PTH1R: variants seen among roughly 807,000 people sequenced by gnomAD.
The protein encoded by PTH1R is parathyroid hormone/parathyroid hormone-related peptide receptor.
PTH1R carries 32 observed loss-of-function variants against 70.7 expected under a neutral mutation model. That is an observed-to-expected ratio of 0.45 (90% CI 0.34 to 0.61). The LOEUF is 0.61. Among genes scored for constraint, PTH1R ranks in the 20% least tolerant of loss-of-function variants. The pLI, the probability that PTH1R is intolerant of heterozygous loss-of-function variation, is 0.01. For missense variants in PTH1R, 626 were observed against 792.5 expected (o/e 0.79, Z 2.52); for synonymous variants, 329 against 324.8 (o/e 1.01, Z -0.14).
Position 46,897,887 on chromosome 3 carries a change from C to T in PTH1R, c.346C>T (p.Leu116=). The T allele has an allele frequency of 6.2e-7, 1 of 1,613,774 alleles. No individual in the cohort carries two copies. Among genetic ancestry groups the T allele is most frequent in the East Asian group, 2.2e-5 (1 of 44,876 alleles). ...RPCLPEWDHI[L]CWPLGAPGEV... is the part of the protein sequence containing the mutation. Reference sequence around the variant, plus strand: ...CTGTCTGCCGGAATGGGACCACATCCTGTGCTGGCCGCTGGGGGCACCAGG... The same window carrying T: ...CTGTCTGCCGGAATGGGACCACATCTTGTGCTGGCCGCTGGGGGCACCAGG... The change falls in exon 6 of 16, where the codon CTG becomes TTG. Residue 116 remains leucine, a synonymous_variant. Transcript: ENST00000449590.
In PTH1R at chr3:46,891,476, C is replaced by G. The variant is rs761142553; in HGVS notation, c.76-2431C>G. 6.6e-5 allele frequency among the ~76,000 whole-genome samples: 10 copies of G among 152,204 alleles called. No homozygotes were observed. The highest frequency in any genetic ancestry group is 1.2e-4 in the Non-Finnish European group (8 of 68,046). On this transcript the variant is annotated intron_variant, in intron 3 of 15. Transcript: ENST00000449590. This position sits in a 1 kb window ranked among gnomAD's most constrained non-coding sequence, Gnocchi z 4.3. ...TCTGTTGGGAGGCCCAGGGAGTCAGCAAGTCTCTAAGGATGTGTGGGAGCC... is the reference window on the plus strand; with the variant it reads ...TCTGTTGGGAGGCCCAGGGAGTCAGGAAGTCTCTAAGGATGTGTGGGAGCC...
At chr3:46,885,151 A>G (rs1004931994) in intron 3 of PTH1R, among the ~76,000 whole-genome samples, 17 of 151,984 alleles carry the variant, frequency 1.1e-4, no homozygotes, top group African/African-American at 3.4e-4. Context: ...GAGTAAGTCT[A>G]TGTGTCAGAG....
intron 3 of PTH1R, among the ~76,000 whole-genome samples, chr3:46,885,374 T>C (rs2030950685): frequency 6.6e-6 from 1 of 152,224 alleles, no homozygotes. Context: ...GGCTTTCTAC[T>C]TGCCATTGTT....
intron 3 of PTH1R, among the ~76,000 whole-genome samples, chr3:46,886,291 G>A (rs557288839): frequency 6.6e-6 from 1 of 152,310 alleles, no homozygotes; most frequent in South Asian, 2.1e-4. Context: ...ACTGTGGTGT[G>A]GACTCACAGG....
Position 46,883,218 on chromosome 3 carries a change from G to C in PTH1R, c.-48-294G>C, listed in dbSNP as rs1236205348. 1 of 208,632 alleles carries C rather than the reference G, an allele frequency of 4.8e-6. No homozygotes were observed. The highest frequency in any genetic ancestry group is 2.3e-5 in the African/African-American group (1 of 42,986). The allele number at this position is 208,632 out of a possible 1,614,324, so 12.9% of individuals were successfully genotyped here. On this transcript the variant is annotated intron_variant, in intron 2 of 15. Coordinates refer to ENST00000449590, the MANE Select transcript of PTH1R (RefSeq NM_000316.3). This position sits in a 1 kb window ranked among gnomAD's most constrained non-coding sequence, Gnocchi z 6.4. ...GGGGGGCGGGGGGCGGGCCGGGGGC[G>C]GGGGGCCCGGCCATATGGATGTGAT...
In PTH1R at chr3:46,879,701, C is replaced by T. The variant is rs1473698245; in HGVS notation, c.-105-1361C>T. 6.6e-6 allele frequency among the ~76,000 whole-genome samples: 1 copy of T among 152,066 alleles called. No individual in the cohort carries two copies. Among genetic ancestry groups the T allele is most frequent in the East Asian group, 1.9e-4 (1 of 5,188 alleles). On this transcript the variant is annotated intron_variant, in intron 1 of 15. Coordinates refer to ENST00000449590, the MANE Select transcript of PTH1R (RefSeq NM_000316.3). This position sits in a 1 kb window ranked among gnomAD's most constrained non-coding sequence, Gnocchi z 4.7. Reference sequence around the variant, plus strand: ...GGTCAAGGCTGCTGTGAGCCATGACCGTGCCACTGCACTCCAGCCTGGGTG... The same window carrying T: ...GGTCAAGGCTGCTGTGAGCCATGACTGTGCCACTGCACTCCAGCCTGGGTG...
chr3:46,902,012 C>G lies in PTH1R; in HGVS notation c.1211+152C>G. The G allele has an allele frequency of 1.1e-6, 1 of 951,034 alleles. No individual in the cohort carries two copies. 58.9% of individuals were successfully genotyped at this position (951,034 alleles called of 1,614,324 possible). ...TCCCTGGCTGTCCTCACCCACCTGG[C>G]CTGCCCAGCAGTGATGGGAGGCCCT... On this transcript the variant is annotated intron_variant, in intron 13 of 15. Transcript: ENST00000449590. The surrounding 1 kb of genome is among the most constrained non-coding windows in gnomAD (Gnocchi z 5.4).
rs934206321 is a variant in PTH1R, at chr3:46,883,382, C to T, written c.-48-130C>T. On this transcript the variant is annotated intron_variant, in intron 2 of 15. Coordinates refer to ENST00000449590, the MANE Select transcript of PTH1R (RefSeq NM_000316.3). The surrounding 1 kb of genome is among the most constrained non-coding windows in gnomAD (Gnocchi z 6.4). ...CGCTGCTCGCTCGCTCGCTCGCTCGCTCGCCCTCAGCGCATGGGCCCCGCG... is the reference window on the plus strand; with the variant it reads ...CGCTGCTCGCTCGCTCGCTCGCTCGTTCGCCCTCAGCGCATGGGCCCCGCG... 3 of 282,266 alleles carry T rather than the reference C, an allele frequency of 1.1e-5. No individual in the cohort carries two copies. The highest frequency in any genetic ancestry group is 2.3e-5 in the African/African-American group (1 of 44,344). 17.5% of individuals were successfully genotyped at this position (282,266 alleles called of 1,614,324 possible).
At chr3:46,898,261 CCAGCCCTG>C in intron 7 of PTH1R, 69 bp downstream of exon 7, 1 of 1,582,790 alleles carries the variant, frequency 6.3e-7, no homozygotes, top group Non-Finnish European at 8.7e-7. Context: ...GACCCCTGAC[CCAGCCCTG>C]ACCCCTGACC....
rs148014549 is a variant in PTH1R, at chr3:46,895,364, C to T, written c.179-371C>T. Among the ~76,000 whole-genome samples, 96 of 152,298 alleles carry T rather than the reference C, an allele frequency of 6.3e-4. 2 individuals are homozygous for T. The East Asian group carries it at 0.018, about 28-fold the overall frequency. ...CATCACCCACTCTGTCTGCTTTCAC[C>T]GTGCGCCCCCTGGTGGGGCCTTCAC... is the stretch of plus-strand genomic sequence containing the variant. On this transcript the variant is annotated intron_variant, in intron 4 of 15. Coordinates refer to ENST00000449590, the MANE Select transcript of PTH1R (RefSeq NM_000316.3).
chr3:46,901,105 G>A lies in PTH1R; in HGVS notation c.1049+20G>A, dbSNP rs1209764720. ...CACCGGGTAGGTCCAGGTGGAGAAGGGGCCCAGGCAAGAAGCACCCCTGGG... is the reference window on the plus strand; with the variant it reads ...CACCGGGTAGGTCCAGGTGGAGAAGAGGCCCAGGCAAGAAGCACCCCTGGG... On this transcript the variant is annotated intron_variant, in intron 11 of 15. Transcript: ENST00000449590. The surrounding 1 kb of genome is among the most constrained non-coding windows in gnomAD (Gnocchi z 7.3). 1 of 1,567,232 alleles carries A rather than the reference G, an allele frequency of 6.4e-7. No homozygotes were observed. The highest frequency in any genetic ancestry group is 8.7e-7 in the Non-Finnish European group (1 of 1,154,554).
At position 46,898,070 on chromosome 3, in the gene PTH1R, G is replaced by A; in HGVS notation, c.425-4G>A. 6.2e-7 allele frequency: 1 copy of A among 1,614,162 alleles called. No homozygotes were observed. The highest frequency in any genetic ancestry group is 8.5e-7 in the Non-Finnish European group (1 of 1,180,010). On this transcript the variant is annotated splice_region_variant and splice_polypyrimidine_tract_variant and intron_variant, in intron 6 of 15. Coordinates refer to ENST00000449590, the MANE Select transcript of PTH1R (RefSeq NM_000316.3). ...GCCGGCCCTGACCTCCCATGGACCT[G>A]CAGGCCATGCCTACCGACGCTGTGA...
In PTH1R at chr3:46,898,191, G is replaced by C. The variant is rs374782548; in HGVS notation, c.542G>C (p.Arg181Pro). The C allele has an allele frequency of 6.2e-7, 1 of 1,613,990 alleles. No individual in the cohort carries two copies. Among genetic ancestry groups the C allele is most frequent in the Admixed American group, 1.7e-5 (1 of 60,020 alleles). The stretch of plus-strand genomic sequence containing the variant: ...TTTCTCACCAATGAGACTCGTGAAC[G>C]GGTGCGAGCCTTTCTCCTCCCCAAC... ...VKFLTNETRE[R>P]EVFDRLGMIY... Residue 181 changes from arginine to proline, a missense_variant and splice_region_variant, in exon 7 of 16, where the codon CGG (arginine) becomes CCG (proline). Physicochemically the swap from Arg to Pro is moderately radical, Grantham distance 103 (BLOSUM62 -2). This residue lies in a region of PTH1R where 495 missense variants were observed against 638.7 expected (regional missense o/e 0.77). Transcript: ENST00000449590.
At position 46,895,753 on chromosome 3, in the gene PTH1R, A is replaced by G; in HGVS notation, c.197A>G (p.Asp66Gly). Residue 66 changes from aspartate to glycine, a missense_variant, in exon 5 of 16, where the codon GAC becomes GGC. Coordinates refer to ENST00000449590, the MANE Select transcript of PTH1R (RefSeq NM_000316.3). ...LQRPASIMES[D>G]KGWTSASTSG... Reference sequence around the variant, plus strand: ...TCTCCAGCCAGCATAATGGAATCAGACAAGGGATGGACATCTGCGTCCACA... The same window carrying G: ...TCTCCAGCCAGCATAATGGAATCAGGCAAGGGATGGACATCTGCGTCCACA... 5 of 1,614,156 alleles carry G rather than the reference A, an allele frequency of 3.1e-6. No individual in the cohort carries two copies. The highest frequency in any genetic ancestry group is 4.2e-6 in the Non-Finnish European group (5 of 1,180,018).
rs904605059 is a variant in PTH1R, at chr3:46,896,891, C to T, written c.314-964C>T. ...GGAATCGATCTCCCCCAGCAGTGGCCGTGGGAGTCTCACAGCAGGTACTCA... is the reference window on the plus strand; with the variant it reads ...GGAATCGATCTCCCCCAGCAGTGGCTGTGGGAGTCTCACAGCAGGTACTCA... On this transcript the variant is annotated intron_variant, in intron 5 of 15. Transcript: ENST00000449590. The surrounding 1 kb of genome is among the most constrained non-coding windows in gnomAD (Gnocchi z 4.1). 6.6e-6 allele frequency among the ~76,000 whole-genome samples: 1 copy of T among 152,176 alleles called. No individual in the cohort carries two copies. Among genetic ancestry groups the T allele is most frequent in the Non-Finnish European group, 1.5e-5 (1 of 68,028 alleles).
At chr3:46,899,268 C>T (rs776293238) in intron 9 of PTH1R, 35 bp from the exon 10 acceptor site, 2 of 1,613,338 alleles carry the variant, frequency 1.2e-6, no homozygotes, top group African/African-American at 2.7e-5. Flanking sequence ...CGGAGGCAGG[C>T]CCTGCCCTCT....
At chr3:46,895,058 T>G (rs1194384744) in intron 4 of PTH1R, among the ~76,000 whole-genome samples, 3 of 129,698 alleles carry the variant, frequency 2.3e-5, no homozygotes, top group Admixed American at 8.2e-5. Context: ...AGGGAGACCT[T>G]GTCTCAAAAA....
chr3:46,892,400 C>T lies in PTH1R; in HGVS notation c.76-1507C>T, dbSNP rs200958165. Reference sequence around the variant, plus strand: ...GTCCCATACTGACAGGCTGGACAGTCTCCATGTGAGAACGCGCACGGACGG... The same window carrying T: ...GTCCCATACTGACAGGCTGGACAGTTTCCATGTGAGAACGCGCACGGACGG... On this transcript the variant is annotated intron_variant, in intron 3 of 15. Transcript: ENST00000449590. This position sits in a 1 kb window ranked among gnomAD's most constrained non-coding sequence, Gnocchi z 5.2. 3.9e-5 allele frequency among the ~76,000 whole-genome samples: 6 copies of T among 152,374 alleles called. No homozygotes were observed. Among genetic ancestry groups the T allele is most frequent in the Non-Finnish European group, 7.3e-5 (5 of 68,036 alleles).
At position 46,893,306 on chromosome 3, in the gene PTH1R, G is replaced by A. The variant is rs909824055; in HGVS notation, c.76-601G>A. Among the ~76,000 whole-genome samples, 1 of 152,074 alleles carries A rather than the reference G, an allele frequency of 6.6e-6. No homozygotes were observed. Among genetic ancestry groups the A allele is most frequent in the African/African-American group, 2.4e-5 (1 of 41,396 alleles). ...CAGAGTGCCCAGCCCAACCCAGGCCGCATGCCAACAGTTCCTCCATCCTCT... is the reference window on the plus strand; with the variant it reads ...CAGAGTGCCCAGCCCAACCCAGGCCACATGCCAACAGTTCCTCCATCCTCT... On this transcript the variant is annotated intron_variant, in intron 3 of 15. Transcript: ENST00000449590. The surrounding 1 kb of genome is among the most constrained non-coding windows in gnomAD (Gnocchi z 5.2).
Sources: gnomAD v4.1 joint callset for allele counts (sites outside exome capture counted in the v4.1 genomes callset) on GRCh38, gnomAD v4.1.1 for gene constraint, gnomAD v4.1.1 regional missense constraint, Gnocchi (gnomAD v3.1) non-coding constraint, MANE v1.5 for transcripts, NCBI Gene and HGNC (gene_info 2026-07-23, HGNC 2026-07-21) for gene names.